ERAP1: variants seen among roughly 807,000 people sequenced by gnomAD.
The protein encoded by ERAP1 is adipocyte-derived leucine aminopeptidase.
In ERAP1, 86 loss-of-function variants were observed where a neutral mutation model predicts 103.7. That is an observed-to-expected ratio of 0.83 (90% CI 0.70 to 0.99). ERAP1 has a LOEUF of 0.99. Ranked by LOEUF, ERAP1 falls within the 50% of genes least tolerant of loss-of-function variation. ERAP1 has a pLI of 0.00. For missense variants in ERAP1, 1,009 were observed against 1,128.4 expected (o/e 0.89, Z 1.52); for synonymous variants, 398 against 402.4 (o/e 0.99, Z 0.13).
the ERAP1 span, among the ~76,000 whole-genome samples, chr5:96,870,232 T>C: frequency 6.6e-6 from 1 of 152,142 alleles, no homozygotes; most frequent in Non-Finnish European, 1.5e-5. Flanking sequence ...TGTTCTCCTG[T>C]TGAACACAAA....
chr5:96,840,969 G>T, the ERAP1 span, among the ~76,000 whole-genome samples: 2 of 152,170 alleles, frequency 1.3e-5, no homozygotes, highest in African/African-American at 2.4e-5. Context: ...CTCCCAAAGT[G>T]CTGGGATTAC....
the ERAP1 span, among the ~76,000 whole-genome samples, chr5:96,874,578 C>T: frequency 2.0e-5 from 3 of 152,252 alleles, no homozygotes; most frequent in African/African-American, 4.8e-5. Context: ...CATCCCCCTT[C>T]CTGTGGTGCC....
chr5:96,861,866 A>T, the ERAP1 span, among the ~76,000 whole-genome samples: 1 of 152,304 alleles, frequency 6.6e-6, no homozygotes, highest in South Asian at 2.1e-4. Context: ...ATTCTGTTGC[A>T]TTTACCCAAC....
chr5:96,807,331 C>A (rs902271638), intron 1 of ERAP1, among the ~76,000 whole-genome samples: 1 of 152,202 alleles, frequency 6.6e-6, no homozygotes, highest in African/African-American at 2.4e-5. Context: ...CGCATCCCAC[C>A]CCACCAGAGT....
the ERAP1 span, chr5:96,917,827 ACC>A: frequency 4.3e-6 from 1 of 232,906 alleles, no homozygotes; most frequent in African/African-American, 2.4e-5. Flanking sequence ...AATGGCATAA[ACC>A]CGGGAGGTGG....
chr5:96,864,643 A>G, the ERAP1 span, among the ~76,000 whole-genome samples: 1 of 152,220 alleles, frequency 6.6e-6, no homozygotes, highest in African/African-American at 2.4e-5. Flanking sequence ...TGATTGTACA[A>G]GAAACCTTTA....
At position 96,776,687 on chromosome 5, in the gene ERAP1, A is replaced by T. The variant is rs188139836; in HGVS notation, c.2671-136T>A. 2,934 of 1,261,408 alleles carry T rather than the reference A, an allele frequency of 2.3e-3. 5 individuals carry two copies. The highest frequency in any genetic ancestry group is 3.0e-3 in the Non-Finnish European group (2,742 of 918,282). 78.1% of individuals were successfully genotyped at this position (1,261,408 alleles called of 1,614,324 possible). A position where few individuals can be genotyped will look rare whatever the true frequency, so the allele number is the denominator to read the frequency against. On this transcript the variant is annotated intron_variant, in intron 18 of 18. Coordinates refer to ENST00000443439, the MANE Select transcript of ERAP1 (RefSeq NM_001040458.3). ...AGGCAGTCCCAGCTGTCTGAATAGGATTATGTACACATAAGCTGTATGAAA... is the reference window on the plus strand; with the variant it reads ...AGGCAGTCCCAGCTGTCTGAATAGGTTTATGTACACATAAGCTGTATGAAA...
rs150727280 is a variant in ERAP1, at chr5:96,803,407, G to C, written c.520C>G (p.Leu174Val). Residue 174 changes from leucine to valine, a missense_variant, in exon 2 of 19, where the codon CTG becomes GTG. By Grantham distance (32) the Leu-to-Val change is conservative. This residue lies in a region of ERAP1 where 392 missense variants were observed against 455.2 expected (regional missense o/e 0.86). Coordinates refer to ENST00000443439, the MANE Select transcript of ERAP1 (RefSeq NM_001040458.3). ...GAAAAAGAGAAAAAAAAATACCTCAGTTCCCCTTCCTTGGTTCTGTAGGTG... is the reference window on the plus strand; with the variant it reads ...GAAAAAGAGAAAAAAAAATACCTCACTTCCCCTTCCTTGGTTCTGTAGGTG... ...KSTYRTKEGELRILASTQFEP... is the reference protein window; with the variant it reads ...KSTYRTKEGEVRILASTQFEP... 3.1e-6 allele frequency: 5 copies of C among 1,613,076 alleles called. No homozygotes were observed. The highest frequency in any genetic ancestry group is 4.2e-6 in the Non-Finnish European group (5 of 1,179,770).
the ERAP1 span, among the ~76,000 whole-genome samples, chr5:96,873,014 C>A: frequency 6.6e-6 from 1 of 152,090 alleles, no homozygotes; most frequent in East Asian, 1.9e-4. Flanking sequence ...CATGGTGAAA[C>A]CCCGTCTCTA....
chr5:96,823,184 A>G, the ERAP1 span: 48 of 454,882 alleles, frequency 1.1e-4, no homozygotes, highest in Non-Finnish European at 1.5e-4. Flanking sequence ...CTTATGAAAT[A>G]CAGTCATATA....
chr5:96,892,703 AT>A, the ERAP1 span, among the ~76,000 whole-genome samples: 2 of 152,290 alleles, frequency 1.3e-5, no homozygotes, highest in Admixed American at 1.3e-4. Context: ...AAGCCTTCAA[AT>A]GTCATTTGGG....
Position 96,776,212 on chromosome 5 carries a change from C to A in ERAP1, c.*184G>T. On this transcript the variant is annotated 3_prime_UTR_variant, in exon 19 of 19. Transcript: ENST00000443439. ...GGCAACACCTGTGATGAACAAAACA[C>A]ATGGTAGCGATAGCCCATTCATGAA... 2.0e-6 allele frequency: 3 copies of A among 1,510,442 alleles called. No homozygotes were observed. Among genetic ancestry groups the A allele is most frequent in the Non-Finnish European group, 2.6e-6 (3 of 1,132,454 alleles). 93.6% of individuals were successfully genotyped at this position (1,510,442 alleles called of 1,614,324 possible).
At chr5:96,929,410 C>G in the ERAP1 span, among the ~76,000 whole-genome samples, 1 of 151,760 alleles carries the variant, frequency 6.6e-6, no homozygotes, top group African/African-American at 2.4e-5. Flanking sequence ...TTTCTTTCTC[C>G]TTCCTTCCTT....
In ERAP1 at chr5:96,774,776, A is replaced by G; in HGVS notation, c.*1620T>C. ...CTATTTTTATTAAACCATTCACTAC[A>G]ACAAATAAGTATAAAAATTCCAATT... On this transcript the variant is annotated 3_prime_UTR_variant, in exon 19 of 19. Coordinates refer to ENST00000443439, the MANE Select transcript of ERAP1 (RefSeq NM_001040458.3). 1.0e-6 allele frequency: 1 copy of G among 984,502 alleles called. No homozygotes were observed. Among genetic ancestry groups the G allele is most frequent in the Non-Finnish European group, 1.2e-6 (1 of 828,958 alleles). 61.0% of individuals were successfully genotyped at this position (984,502 alleles called of 1,614,324 possible). A position where few individuals can be genotyped will look rare whatever the true frequency, so the allele number is the denominator to read the frequency against.
chr5:96,819,522 TGA>T, the ERAP1 span, among the ~76,000 whole-genome samples: 1 of 152,072 alleles, frequency 6.6e-6, no homozygotes, highest in Non-Finnish European at 1.5e-5. Context: ...TGTGTGTGTG[TGA>T]GAGAGAGAGA....
upstream of ERAP1, chr5:96,808,087 G>A (rs1392652418): frequency 2.0e-6 from 2 of 985,544 alleles, no homozygotes; most frequent in Non-Finnish European, 2.4e-6. Flanking sequence ...GCAACTCCCA[G>A]GAAGGGAATT....
At chr5:96,810,419 G>A (rs1187408136), upstream of ERAP1, among the ~76,000 whole-genome samples, 1 of 152,222 alleles carries the variant, frequency 6.6e-6, no homozygotes, top group East Asian at 1.9e-4. Context: ...GTGCATGTGT[G>A]TGTTTATAAT....
the ERAP1 span, among the ~76,000 whole-genome samples, chr5:96,857,474 CTAAAAATTAA>C: frequency 3.3e-5 from 5 of 151,710 alleles, no homozygotes; most frequent in African/African-American, 7.3e-5. Context: ...AAATACAAAA[CTAAAAATTAA>C]TAAAAATTAA....
intron 11 of ERAP1, among the ~76,000 whole-genome samples, chr5:96,788,027 T>A (rs911974472): frequency 2.6e-5 from 4 of 152,302 alleles, no homozygotes; most frequent in African/African-American, 9.6e-5. Flanking sequence ...TAAAAGAATT[T>A]TTTAACGGTA....
Sources: allele counts gnomAD v4.1 joint callset (sites outside exome capture counted in the v4.1 genomes callset), GRCh38; gene constraint gnomAD v4.1.1; regional missense constraint gnomAD v4.1.1; transcripts MANE v1.5; gene names NCBI Gene and HGNC (gene_info 2026-07-23, HGNC 2026-07-21).